TMC2: variants seen among roughly 807,000 people sequenced by gnomAD.
TMC2 encodes transmembrane channel-like protein 2.
Under a neutral mutation model 105.9 loss-of-function variants are expected in TMC2, and 102 were observed. That is an observed-to-expected ratio of 0.96 (90% CI 0.82 to 1.14). The LOEUF is 1.14. Among genes scored for constraint, TMC2 ranks in the 50% most tolerant of loss-of-function variants. The pLI, the probability that TMC2 is intolerant of heterozygous loss-of-function variation, is 0.00. For missense variants in TMC2, 1,093 were observed against 1,134.3 expected (o/e 0.96, Z 0.52); for synonymous variants, 402 against 422.8 (o/e 0.95, Z 0.60).
At chr20:2,613,011 A>T (rs1367488035) in intron 13 of TMC2, among the ~76,000 whole-genome samples, 183 bp from the exon 14 acceptor site, 1 of 152,194 alleles carries the variant, frequency 6.6e-6, no homozygotes, top group Admixed American at 6.5e-5. Flanking sequence ...TGGAGCTGGG[A>T]CCTAAATTAA....
chr20:2,594,872 G>C lies in TMC2; in HGVS notation c.981G>C (p.Gln327His). ...SALFYGYYNN[Q>H]RTIGWLRYRL... ...TCTTCTATGGCTACTACAACAACCA[G>C]AGGACCATCGGGTGGCTGAGGTACC... The change falls in exon 9 of 20, where the codon CAG becomes CAC. Residue 327 changes from glutamine (Q) to histidine (H), a missense_variant. Physicochemically the swap from Gln to His is conservative, Grantham distance 24 (BLOSUM62 0). Transcript: ENST00000358864. 1 of 1,614,152 alleles carries C rather than the reference G, an allele frequency of 6.2e-7. No homozygotes were observed. The highest frequency in any genetic ancestry group is 1.1e-5 in the South Asian group (1 of 91,088).
intron 17 of TMC2, among the ~76,000 whole-genome samples, chr20:2,626,447 A>C (rs1172028001): frequency 2.6e-5 from 4 of 152,196 alleles, no homozygotes; most frequent in Non-Finnish European, 5.9e-5. Flanking sequence ...CAAGCATCCC[A>C]AGAGAATGCA....
At position 2,642,350 on chromosome 20, in the gene TMC2, C is replaced by T. The variant is rs1312235726; in HGVS notation, c.*999C>T. ...CCCAAGGGAAGCTTACACCATGGAG[C>T]ACAAAACAGGGAGTGAAAACAGTGA... On this transcript the variant is annotated 3_prime_UTR_variant, in exon 20 of 20. Coordinates refer to ENST00000358864, the MANE Select transcript of TMC2 (RefSeq NM_080751.3). Among the ~76,000 whole-genome samples the T allele has an allele frequency of 6.6e-6, 1 of 152,150 alleles. No individual in the cohort carries two copies. The highest frequency in any genetic ancestry group is 1.5e-5 in the Non-Finnish European group (1 of 68,036).
At chr20:2,625,112 G>A (rs1236904446) in intron 17 of TMC2, among the ~76,000 whole-genome samples, 2 of 152,194 alleles carry the variant, frequency 1.3e-5, no homozygotes, top group African/African-American at 4.8e-5. Context: ...GGGAAGAAAG[G>A]CAGGAAGCCA....
intron 2 of TMC2, among the ~76,000 whole-genome samples, chr20:2,539,425 T>C (rs1215927208): frequency 6.6e-6 from 1 of 152,168 alleles, no homozygotes; most frequent in Admixed American, 6.5e-5. Flanking sequence ...ATATCTACAG[T>C]GCTGGGAAGT....
At chr20:2,611,167 A>C (rs2086435351) in intron 12 of TMC2, among the ~76,000 whole-genome samples, 1 of 152,220 alleles carries the variant, frequency 6.6e-6, no homozygotes, top group Admixed American at 6.5e-5. Flanking sequence ...TGGGGACCTT[A>C]GCAGACATTG....
At chr20:2,583,619 C>T (rs1046436188) in intron 7 of TMC2, among the ~76,000 whole-genome samples, 6 of 152,096 alleles carry the variant, frequency 3.9e-5, no homozygotes, top group Admixed American at 3.3e-4. Flanking sequence ...TGTGCCGCCA[C>T]GCCCTGCTAA....
chr20:2,641,434 C>T lies in TMC2; in HGVS notation c.*83C>T. The T allele has an allele frequency of 1.2e-6, 1 of 810,316 alleles. No homozygotes were observed. Among genetic ancestry groups the T allele is most frequent in the East Asian group, 2.7e-5 (1 of 37,432 alleles). The allele number at this position is 810,316 out of a possible 1,614,324, so 50.2% of individuals were successfully genotyped here. On this transcript the variant is annotated 3_prime_UTR_variant, in exon 20 of 20. Coordinates refer to ENST00000358864, the MANE Select transcript of TMC2 (RefSeq NM_080751.3). Reference sequence around the variant, plus strand: ...ACACATACCAAACCAAGGTTCTCTCCCCTCTTTCCTCTCACATACATGCTC... The same window carrying T: ...ACACATACCAAACCAAGGTTCTCTCTCCTCTTTCCTCTCACATACATGCTC...
rs756922865 is a variant in TMC2, at chr20:2,612,276, C to T, written c.1679C>T (p.Pro560Leu). ...TCTTCTGGTTGGAACGAGAGTGTCC[C>T]CCGACCACCCCTGCACCCTGCAGAT... Reference protein sequence around the residue: ...YNSSGWNESVPRPPLHPADVP... With the variant: ...YNSSGWNESVLRPPLHPADVP... The change falls in exon 13 of 20, where the codon CCC becomes CTC. Residue 560 changes from proline (P) to leucine (L), a missense_variant. Physicochemically the swap from Pro to Leu is moderately conservative, Grantham distance 98. Coordinates refer to ENST00000358864, the MANE Select transcript of TMC2 (RefSeq NM_080751.3). The T allele has an allele frequency of 1.9e-5, 30 of 1,612,620 alleles. No homozygotes were observed. The highest frequency in any genetic ancestry group is 1.7e-4 in the African/African-American group (13 of 75,038).
intron 11 of TMC2, among the ~76,000 whole-genome samples, chr20:2,608,055 C>T (rs761020711): frequency 5.8e-4 from 87 of 149,996 alleles, no homozygotes; most frequent in Admixed American, 1.4e-3. Context: ...ATCCCAGAGG[C>T]GGAGGTTGCA....
chr20:2,537,901 A>G (rs2085861430), intron 2 of TMC2, among the ~76,000 whole-genome samples: 2 of 152,096 alleles, frequency 1.3e-5, no homozygotes, highest in South Asian at 4.1e-4. Context: ...TCATGTCACA[A>G]AATATTATGG....
chr20:2,594,048 T>G (rs2086286803), intron 8 of TMC2, among the ~76,000 whole-genome samples: 1 of 152,092 alleles, frequency 6.6e-6, no homozygotes, highest in South Asian at 2.1e-4. Context: ...CATACTCCCA[T>G]GCCTCTGGAG....
chr20:2,575,711 C>A (rs1297117480), intron 5 of TMC2, among the ~76,000 whole-genome samples: 1 of 151,944 alleles, frequency 6.6e-6, no homozygotes, highest in Non-Finnish European at 1.5e-5. Flanking sequence ...TTGCCTCCCC[C>A]CACCCCCATC....
intron 14 of TMC2, 118 bp downstream of exon 14, chr20:2,613,440 G>T: frequency 7.1e-7 from 1 of 1,413,496 alleles, no homozygotes; most frequent in Non-Finnish European, 1.0e-6. Flanking sequence ...GACGGTCTCT[G>T]CTCTGTAGAG....
rs116829220 is a variant in TMC2, at chr20:2,561,839, G to A, written c.402-19G>A. 5.2e-4 allele frequency: 833 copies of A among 1,608,292 alleles called. 1 individual carries two copies. The African/African-American group carries it at 9.9e-3, about 19-fold the overall frequency. ...TCCTTTCCAACTTCCCTCTGCCTCC[G>A]CCCTGGCTCTGCCTCCAGGTCATCC... On this transcript the variant is annotated intron_variant, in intron 3 of 19. Coordinates refer to ENST00000358864, the MANE Select transcript of TMC2 (RefSeq NM_080751.3).
chr20:2,543,030 A>G (rs2085900615), intron 2 of TMC2, among the ~76,000 whole-genome samples: 1 of 152,086 alleles, frequency 6.6e-6, no homozygotes, highest in African/African-American at 2.4e-5. Context: ...TGAGGTCAGG[A>G]GTTTGAGACC....
chr20:2,591,627 C>G (rs2146209947), intron 7 of TMC2, among the ~76,000 whole-genome samples: 1 of 151,892 alleles, frequency 6.6e-6, no homozygotes, highest in Middle Eastern at 3.4e-3. Flanking sequence ...ATCACGTGAG[C>G]CAGGGAGGCA....
At position 2,592,575 on chromosome 20, in the gene TMC2, C is replaced by T. The variant is rs752278399; in HGVS notation, c.933+167C>T. On this transcript the variant is annotated intron_variant, in intron 8 of 19. Transcript: ENST00000358864. The surrounding 1 kb of genome is among the most constrained non-coding windows in gnomAD (Gnocchi z 4.9). ...AAACCATGTCTCTGCACAGTCTTCC[C>T]GGGTCTCCTTCACGCACTGCTCTCT... Among the ~76,000 whole-genome samples the T allele has an allele frequency of 1.1e-4, 16 of 152,150 alleles. No individual in the cohort carries two copies. Among genetic ancestry groups the T allele is most frequent in the Admixed American group, 6.5e-5 (1 of 15,278 alleles).
chr20:2,609,124 G>A (rs2086415809), intron 11 of TMC2, among the ~76,000 whole-genome samples: 1 of 152,176 alleles, frequency 6.6e-6, no homozygotes, highest in African/African-American at 2.4e-5. Context: ...CAGCTTATTA[G>A]CAATGGAGTC....
Sources: gnomAD v4.1 joint callset for allele counts (sites outside exome capture counted in the v4.1 genomes callset) on GRCh38, gnomAD v4.1.1 for gene constraint, Gnocchi (gnomAD v3.1) non-coding constraint, MANE v1.5 for transcripts, NCBI Gene and HGNC (gene_info 2026-07-23, HGNC 2026-07-21) for gene names.